Variants in DRC8 observed in about 807,000 individuals in gnomAD.
The protein encoded by DRC8 is dynein regulatory complex subunit 8.
the DRC8 span, among the ~76,000 whole-genome samples, chr1:244,997,980 C>T: frequency 6.6e-6 from 1 of 151,818 alleles, no homozygotes; most frequent in Admixed American, 6.6e-5. Flanking sequence ...CTTCCACTAT[C>T]ATTCTGGGTG....
chr1:245,029,048 A>AGT, the DRC8 span, among the ~76,000 whole-genome samples: 2 of 152,222 alleles, frequency 1.3e-5, no homozygotes, highest in Admixed American at 1.3e-4. Flanking sequence ...GCTTAGGCTA[A>AGT]GTGGCATAAA....
chr1:245,026,027 A>C, the DRC8 span, among the ~76,000 whole-genome samples: 1 of 152,154 alleles, frequency 6.6e-6, no homozygotes, highest in African/African-American at 2.4e-5. Context: ...ATGAGAATGG[A>C]CTAGTACACT....
At chr1:245,012,573 G>T in the DRC8 span, among the ~76,000 whole-genome samples, 1 of 151,600 alleles carries the variant, frequency 6.6e-6, no homozygotes, top group African/African-American at 2.4e-5. Context: ...AAATTACAGG[G>T]CTCGAAAAAA....
the DRC8 span, chr1:244,971,217 AG>A: frequency 1.3e-5 from 2 of 151,252 alleles, no homozygotes; most frequent in African/African-American, 4.9e-5. Flanking sequence ...AAAAAAAAAA[AG>A]ACACACACCC....
the DRC8 span, among the ~76,000 whole-genome samples, chr1:245,020,063 C>T: frequency 9.8e-5 from 11 of 112,558 alleles, no homozygotes; most frequent in Admixed American, 3.2e-4. Context: ...ACGCCCCCCG[C>T]CCCCAGGCAC....
chr1:245,083,399 G>A, the DRC8 span: 56 of 1,552,144 alleles, frequency 3.6e-5, no homozygotes, highest in South Asian at 5.7e-5. Context: ...TAAAGACTGC[G>A]GTAAATACCA....
chr1:245,022,793 G>A, the DRC8 span, among the ~76,000 whole-genome samples: 2 of 152,092 alleles, frequency 1.3e-5, no homozygotes, highest in African/African-American at 4.8e-5. Flanking sequence ...ATCATTTTAA[G>A]TACAGAATGC....
At chr1:245,025,881 T>C in the DRC8 span, among the ~76,000 whole-genome samples, 3 of 152,336 alleles carry the variant, frequency 2.0e-5, no homozygotes, top group Admixed American at 6.5e-5. Context: ...CCATGTAAGA[T>C]GTGCCTCTGC....
At chr1:245,084,062 GCC>G in the DRC8 span, among the ~76,000 whole-genome samples, 1 of 77,930 alleles carries the variant, frequency 1.3e-5, no homozygotes, top group East Asian at 4.3e-4. Context: ...TAAAAATTCC[GCC>G]CCCCCCCCGG....
chr1:245,058,349 G>A, the DRC8 span, among the ~76,000 whole-genome samples: 1 of 152,096 alleles, frequency 6.6e-6, no homozygotes, highest in East Asian at 1.9e-4. Context: ...TGTTTTGTTG[G>A]CCCTTCATTT....
chr1:245,019,392 A>T, the DRC8 span, among the ~76,000 whole-genome samples: 1 of 152,184 alleles, frequency 6.6e-6, no homozygotes, highest in Admixed American at 6.5e-5. Flanking sequence ...CACTCTTTTT[A>T]AAAAATTCGT....
At chr1:245,063,332 C>G in the DRC8 span, among the ~76,000 whole-genome samples, 2 of 152,166 alleles carry the variant, frequency 1.3e-5, no homozygotes, top group Non-Finnish European at 2.9e-5. Context: ...TCGATGAATT[C>G]TTGCTTATCC....
the DRC8 span, among the ~76,000 whole-genome samples, chr1:245,073,612 A>T: frequency 1.3e-5 from 2 of 152,108 alleles, no homozygotes; most frequent in African/African-American, 4.8e-5. Flanking sequence ...TTTATTAATT[A>T]AAAAAAGACT....
At chr1:245,113,087 G>A in the DRC8 span, among the ~76,000 whole-genome samples, 9 of 152,256 alleles carry the variant, frequency 5.9e-5, no homozygotes, top group East Asian at 7.7e-4. Context: ...TCTTACAGTA[G>A]TATCTTATAT....
the DRC8 span, among the ~76,000 whole-genome samples, chr1:245,084,107 G>A: frequency 3.4e-5 from 4 of 117,054 alleles, no homozygotes; most frequent in East Asian, 2.4e-4. Context: ...AGACGGATCC[G>A]GTCTTGCTCT....
At chr1:244,996,421 A>G in the DRC8 span, among the ~76,000 whole-genome samples, 1 of 152,136 alleles carries the variant, frequency 6.6e-6, no homozygotes, top group Admixed American at 6.5e-5. Context: ...AGGAGGCGGG[A>G]ATCACTGGAA....
the DRC8 span, among the ~76,000 whole-genome samples, chr1:245,113,070 G>T: frequency 6.6e-6 from 1 of 152,120 alleles, no homozygotes; most frequent in South Asian, 2.1e-4. Context: ...ACTATTTTGA[G>T]TGTGATTCTT....
At chr1:245,033,453 A>G in the DRC8 span, among the ~76,000 whole-genome samples, 1 of 152,202 alleles carries the variant, frequency 6.6e-6, no homozygotes, top group Non-Finnish European at 1.5e-5. Context: ...CGCCTTCTAT[A>G]TAAAACAAAA....
chr1:245,106,246 T>A, the DRC8 span, among the ~76,000 whole-genome samples: 1 of 152,216 alleles, frequency 6.6e-6, no homozygotes, highest in Non-Finnish European at 1.5e-5. Context: ...GTGTTTGCAT[T>A]AGCAGTTACA....
Sources: gnomAD v4.1 joint callset for allele counts (sites outside exome capture counted in the v4.1 genomes callset) on GRCh38, gnomAD v4.1.1 for gene constraint, MANE v1.5 for transcripts, NCBI Gene and HGNC (gene_info 2026-07-23, HGNC 2026-07-21) for gene names.